The following USH2A variants were observed in gnomAD, a reference collection of about 807,000 sequenced individuals.
USH2A encodes the protein Usher syndrome 2A (autosomal recessive, mild).
Under a neutral mutation model 538.9 loss-of-function variants are expected in USH2A, and 443 were observed. The observed-to-expected ratio is 0.82, with a 90% CI of 0.76 to 0.89. The LOEUF (loss-of-function observed/expected upper bound fraction) is 0.89. Ranked by LOEUF, USH2A falls within the 40% of genes least tolerant of loss-of-function variation. USH2A has a pLI of 0.00. For missense variants in USH2A, 6,633 were observed against 6,324.8 expected (o/e 1.05, Z -1.65); for synonymous variants, 2,413 against 2,273.5 (o/e 1.06, Z -1.75).
chr1:216,339,118 C>T (rs2038027880), intron 4 of USH2A, among the ~76,000 whole-genome samples: 1 of 151,504 alleles, frequency 6.6e-6, no homozygotes, highest in Non-Finnish European at 1.5e-5. Context: ...TAACTCTCCA[C>T]ATGGAAACAA....
chr1:215,691,454 C>A (rs1461149652), intron 61 of USH2A, among the ~76,000 whole-genome samples: 1 of 152,128 alleles, frequency 6.6e-6, no homozygotes, highest in African/African-American at 2.4e-5. Flanking sequence ...GGCCTCTGTA[C>A]TGGCTGTTTT....
intron 4 of USH2A, among the ~76,000 whole-genome samples, chr1:216,336,709 A>G (rs1273578960): frequency 2.0e-5 from 3 of 151,496 alleles, no homozygotes; most frequent in Admixed American, 6.6e-5. Flanking sequence ...AATATTGGAT[A>G]TCTTATGTTT....
At chr1:215,949,478 TA>T (rs146800200) in intron 37 of USH2A, among the ~76,000 whole-genome samples, 4,872 of 152,056 alleles carry the variant, frequency 0.032, 121 homozygotes, top group South Asian at 0.084. Flanking sequence ...CAGAAATGAA[TA>T]ATAACCTGAA....
At chr1:216,248,261 A>T (rs1352777370) in intron 12 of USH2A, among the ~76,000 whole-genome samples, 2 of 152,032 alleles carry the variant, frequency 1.3e-5, no homozygotes, top group Non-Finnish European at 2.9e-5. Context: ...CTAAACTTAA[A>T]TCTCTGACAA....
intron 21 of USH2A, among the ~76,000 whole-genome samples, chr1:216,126,630 A>C (rs2033259675): frequency 6.6e-6 from 1 of 152,144 alleles, no homozygotes; most frequent in East Asian, 1.9e-4. Context: ...CAAGGCCAGG[A>C]GATATTATAT....
At chr1:216,135,798 G>A (rs1208336150) in intron 21 of USH2A, among the ~76,000 whole-genome samples, 3 of 151,972 alleles carry the variant, frequency 2.0e-5, no homozygotes, top group Non-Finnish European at 4.4e-5. Flanking sequence ...AAGAAGCCAC[G>A]AATAACAGAA....
intron 49 of USH2A, among the ~76,000 whole-genome samples, chr1:215,806,687 A>C (rs1272480369): frequency 3.3e-5 from 5 of 152,066 alleles, no homozygotes. Context: ...CTTGTAGTTC[A>C]CTGTTCACTC....
Position 216,198,368 on chromosome 1 carries a change from T to G in USH2A, c.4028A>C (p.Asn1343Thr), listed in dbSNP as rs2034900753. ...GGCAGAAGACACACTTCCAGCCATA[T>G]TCACAGCTAAGACTCTGAACTCATA... is the stretch of plus-strand genomic sequence containing the variant. ...TKYEFRVLAV[N>T]MAGSVSSAWV... Residue 1343 changes from asparagine to threonine, a missense_variant, in exon 18 of 72, where the codon AAT becomes ACT. Coordinates refer to ENST00000307340, the MANE Select transcript of USH2A (RefSeq NM_206933.4). 6 of 1,613,970 alleles carry G rather than the reference T, an allele frequency of 3.7e-6. No homozygotes were observed. Among genetic ancestry groups the G allele is most frequent in the Non-Finnish European group, 3.4e-6 (4 of 1,179,978 alleles).
chr1:216,386,480 G>T (rs924311049), intron 3 of USH2A, among the ~76,000 whole-genome samples: 2 of 115,106 alleles, frequency 1.7e-5, no homozygotes, highest in Non-Finnish European at 3.5e-5. Context: ...AGCGAGACTC[G>T]TCTCAAAAAA....
At position 216,185,136 on chromosome 1, in the gene USH2A, T is replaced by C. The variant is rs150116221; in HGVS notation, c.4396+5087A>G. Among the ~76,000 whole-genome samples the C allele has an allele frequency of 6.6e-3, 1,011 of 152,058 alleles. 9 individuals are homozygous for C. Among genetic ancestry groups the C allele is most frequent in the African/African-American group, 0.023 (963 of 41,518 alleles). On this transcript the variant is annotated intron_variant, in intron 20 of 71. Coordinates refer to ENST00000307340, the MANE Select transcript of USH2A (RefSeq NM_206933.4). The stretch of plus-strand genomic sequence containing the variant: ...CCAGTTCATCAACTCATTACCTTCA[T>C]ACACCCAGAAGCAACTCCAAAGCCA...
At chr1:215,725,704 GA>G (rs1261581169) in intron 61 of USH2A, among the ~76,000 whole-genome samples, 4 of 152,014 alleles carry the variant, frequency 2.6e-5, no homozygotes, top group African/African-American at 9.6e-5. Context: ...GACATTGCAA[GA>G]AAAAAAATCT....
intron 21 of USH2A, among the ~76,000 whole-genome samples, chr1:216,127,870 T>C (rs1473408999): frequency 6.6e-6 from 1 of 152,154 alleles, no homozygotes; most frequent in Non-Finnish European, 1.5e-5. Context: ...AGAAGAATCA[T>C]TGGAAAATAA....
At chr1:216,072,750 T>C (rs1459647353) in intron 29 of USH2A, 139 bp downstream of exon 29, 2 of 804,210 alleles carry the variant, frequency 2.5e-6, no homozygotes, top group Admixed American at 3.8e-5. Context: ...TTGACAGATG[T>C]ATTTTCAAAC....
intron 11 of USH2A, among the ~76,000 whole-genome samples, chr1:216,267,987 C>T (rs931627810): frequency 6.6e-6 from 1 of 152,080 alleles, no homozygotes; most frequent in Non-Finnish European, 1.5e-5. Context: ...TACGATATTG[C>T]AGGCAGACTG....
At chr1:215,966,251 T>C (rs1378704906) in intron 36 of USH2A, among the ~76,000 whole-genome samples, 1 of 152,100 alleles carries the variant, frequency 6.6e-6, no homozygotes, top group African/African-American at 2.4e-5. Context: ...GTAAAATAAG[T>C]GGTCAGAGGA....
chr1:216,325,501 T>G lies in USH2A; in HGVS notation c.947A>C (p.Gln316Pro). ...GSHPRVHPLA[Q>P]RYCIPNDAGD... ...TGCATCATTAGGAATGCAGTACCGC[T>G]GTGCCAAAGGGTGGACCCGCGGGTG... Residue 316 changes from glutamine (Q) to proline (P), a missense_variant, in exon 6 of 72, where the codon CAG becomes CCG. Coordinates refer to ENST00000307340, the MANE Select transcript of USH2A (RefSeq NM_206933.4). The G allele has an allele frequency of 6.2e-7, 1 of 1,613,886 alleles. No individual in the cohort carries two copies. The highest frequency in any genetic ancestry group is 1.1e-5 in the South Asian group (1 of 91,088).
intron 3 of USH2A, among the ~76,000 whole-genome samples, chr1:216,387,698 T>A (rs957484074): frequency 2.6e-5 from 4 of 152,290 alleles, no homozygotes; most frequent in African/African-American, 9.6e-5. Context: ...CCTTTATAGA[T>A]CCTCAAACGT....
chr1:216,055,342 A>G (rs2030941034), intron 30 of USH2A, among the ~76,000 whole-genome samples: 1 of 152,220 alleles, frequency 6.6e-6, no homozygotes, highest in South Asian at 2.1e-4. Context: ...CAGAGCTGCT[A>G]CTGCTACCTG....
intron 35 of USH2A, among the ~76,000 whole-genome samples, chr1:215,991,478 A>G (rs1668003790): frequency 6.6e-6 from 1 of 152,200 alleles, no homozygotes; most frequent in African/African-American, 2.4e-5. Flanking sequence ...AAACAAAAAA[A>G]GTCGTTTTAA....
Sources: allele counts gnomAD v4.1 joint callset (sites outside exome capture counted in the v4.1 genomes callset), GRCh38; gene constraint gnomAD v4.1.1; transcripts MANE v1.5; gene names NCBI Gene and HGNC (gene_info 2026-07-23, HGNC 2026-07-21).